ASCC3: variants seen among roughly 807,000 people sequenced by gnomAD.
ASCC3 encodes the protein ASC-1 complex subunit P200.
In ASCC3, 158 loss-of-function variants were observed where a neutral mutation model predicts 256.3. That is an observed-to-expected ratio of 0.62 (90% confidence interval 0.54 to 0.70). ASCC3 has a LOEUF of 0.70. Ranked by LOEUF, ASCC3 falls within the 30% of genes least tolerant of loss-of-function variation. The pLI is 0.00. For synonymous variants in ASCC3, 948 were observed against 883.4 expected, an observed-to-expected ratio of 1.07 and a Z score of -1.30; for missense variants, 2,259 against 2,626.0, an observed-to-expected ratio of 0.86 and a Z score of 3.05.
chr6:100,590,483 A>G (rs917272331), intron 34 of ASCC3, among the ~76,000 whole-genome samples: 1 of 152,246 alleles, frequency 6.6e-6, no homozygotes, highest in African/African-American at 2.4e-5. Context: ...CTGTGCCTGG[A>G]AACAGATCCG....
At chr6:100,836,403 A>G (rs144053298) in intron 4 of ASCC3, among the ~76,000 whole-genome samples, 8 of 152,188 alleles carry the variant, frequency 5.3e-5, no homozygotes, top group African/African-American at 1.9e-4. Flanking sequence ...TAGCTATGTT[A>G]TGTTGAGGTA....
At chr6:100,690,501 T>G (rs751211702) in intron 13 of ASCC3, among the ~76,000 whole-genome samples, 1 of 152,146 alleles carries the variant, frequency 6.6e-6, no homozygotes, top group African/African-American at 2.4e-5. Context: ...GGGCTAAAAA[T>G]GATAAATGTT....
chr6:100,642,131 T>G (rs1224974975), intron 24 of ASCC3, among the ~76,000 whole-genome samples: 4 of 151,840 alleles, frequency 2.6e-5, no homozygotes, highest in Non-Finnish European at 5.9e-5. Flanking sequence ...ACCTGCACAT[T>G]GTGCACATGT....
At chr6:100,716,796 T>G (rs936753904) in intron 12 of ASCC3, among the ~76,000 whole-genome samples, 1 of 151,980 alleles carries the variant, frequency 6.6e-6, no homozygotes, top group Non-Finnish European at 1.5e-5. Context: ...ATTTAACAAT[T>G]TGTATGATGC....
At chr6:100,858,139 A>T in intron 3 of ASCC3, 1 of 435,024 alleles carries the variant, frequency 2.3e-6, no homozygotes, top group Non-Finnish European at 3.1e-6. Context: ...ATAAATTAAA[A>T]TTTTAAAATT....
intron 4 of ASCC3, among the ~76,000 whole-genome samples, chr6:100,820,046 A>G (rs889210851): frequency 4.6e-5 from 7 of 152,230 alleles, no homozygotes; most frequent in Admixed American, 6.5e-5. Context: ...TAGAACCAGA[A>G]GACTACTGCT....
chr6:100,783,918 T>A (rs530377219), intron 8 of ASCC3, among the ~76,000 whole-genome samples: 1 of 152,292 alleles, frequency 6.6e-6, no homozygotes, highest in African/African-American at 2.4e-5. Context: ...AAAGAAAATT[T>A]ATGCGGTAGG....
At chr6:100,863,885 G>A (rs929728667) in intron 3 of ASCC3, among the ~76,000 whole-genome samples, 179 bp downstream of exon 3, 22 of 152,100 alleles carry the variant, frequency 1.4e-4, no homozygotes, top group African/African-American at 5.3e-4. Context: ...GACCTCCCAA[G>A]GTGCTGGGGT....
At chr6:100,760,830 G>C (rs1029146567) in intron 10 of ASCC3, among the ~76,000 whole-genome samples, 1 of 152,132 alleles carries the variant, frequency 6.6e-6, no homozygotes. Context: ...AAAATATCTA[G>C]ATCTCATTGT....
rs1483972453 is a variant in ASCC3, at chr6:100,629,110, G to A, written c.4280C>T (p.Thr1427Met). 3 of 1,613,666 alleles carry A rather than the reference G, an allele frequency of 1.9e-6. No homozygotes were observed. Among genetic ancestry groups the A allele is most frequent in the Non-Finnish European group, 1.7e-6 (2 of 1,179,846 alleles). Residue 1427 changes from threonine (T) to methionine (M), a missense_variant, in exon 27 of 42, where the codon ACG becomes ATG. Thr to Met is a moderately conservative substitution (Grantham distance 81, BLOSUM62 -1). This residue lies in a region of ASCC3 where 1,839 missense variants were observed against 2,206.7 expected (regional missense o/e 0.83). Coordinates refer to ENST00000369162, the MANE Select transcript of ASCC3 (RefSeq NM_006828.4). ...SIAKADLIVT[T>M]PEKWDGVSRS... ...GCTGACTCCATCCCACTTCTCTGGC[G>A]TAGTGACGATAAGGTCAGCCTTGGC...
chr6:100,565,131 G>C (rs189272576), intron 36 of ASCC3, among the ~76,000 whole-genome samples: 27 of 152,216 alleles, frequency 1.8e-4, no homozygotes, highest in African/African-American at 6.3e-4. Flanking sequence ...GGATTAAATT[G>C]ACCAGAGCTT....
chr6:100,537,152 G>C (rs998290486), intron 37 of ASCC3, among the ~76,000 whole-genome samples: 1 of 152,148 alleles, frequency 6.6e-6, no homozygotes, highest in Non-Finnish European at 1.5e-5. Context: ...ACTCTATAGT[G>C]AAGAAGGCTG....
intron 8 of ASCC3, among the ~76,000 whole-genome samples, chr6:100,787,427 G>T (rs1769138783): frequency 6.6e-6 from 1 of 151,970 alleles, no homozygotes; most frequent in Non-Finnish European, 1.5e-5. Context: ...AATCTTTGTG[G>T]TTTGGAGGGT....
intron 36 of ASCC3, among the ~76,000 whole-genome samples, chr6:100,575,568 T>C (rs74761577): frequency 0.016 from 2,489 of 152,164 alleles, 66 homozygotes; most frequent in African/African-American, 0.057. Context: ...TTGGAATAGT[T>C]CTATTTACAT....
At chr6:100,879,530 T>C (rs1769175997) in intron 1 of ASCC3, among the ~76,000 whole-genome samples, 1 of 152,134 alleles carries the variant, frequency 6.6e-6, no homozygotes, top group South Asian at 2.1e-4. Flanking sequence ...ATGGGGCCCG[T>C]AATCCCAGCA....
intron 32 of ASCC3, among the ~76,000 whole-genome samples, chr6:100,606,515 C>T (rs1772895687): frequency 1.3e-5 from 2 of 152,008 alleles, no homozygotes; most frequent in Admixed American, 1.3e-4. Context: ...GTACTTTAAG[C>T]CACTTATTAT....
intron 16 of ASCC3, among the ~76,000 whole-genome samples, chr6:100,657,080 TTTAG>T (rs1259251119): frequency 3.3e-5 from 5 of 151,362 alleles, no homozygotes; most frequent in Non-Finnish European, 5.9e-5. Flanking sequence ...GTTAATTGTC[TTTAG>T]TTAGTTGAAG....
intron 10 of ASCC3, among the ~76,000 whole-genome samples, chr6:100,726,218 A>C (rs1303482989): frequency 6.6e-6 from 1 of 151,968 alleles, no homozygotes; most frequent in Non-Finnish European, 1.5e-5. Flanking sequence ...TTTTCATTGA[A>C]AAACATGCCC....
At chr6:100,810,188 T>C (rs1294699045) in intron 4 of ASCC3, among the ~76,000 whole-genome samples, 1 of 152,142 alleles carries the variant, frequency 6.6e-6, no homozygotes, top group Non-Finnish European at 1.5e-5. Context: ...TCTGCTACTC[T>C]GAAGGCATGC....
Sources: allele counts gnomAD v4.1 joint callset (sites outside exome capture counted in the v4.1 genomes callset), GRCh38; gene constraint gnomAD v4.1.1; regional missense constraint gnomAD v4.1.1; transcripts MANE v1.5; gene names NCBI Gene and HGNC (gene_info 2026-07-23, HGNC 2026-07-21).